UBXN4: variants seen among roughly 807,000 people sequenced by gnomAD.
The protein encoded by UBXN4 is UBX domain-containing protein 4.
In UBXN4, 35 loss-of-function variants were observed where a neutral mutation model predicts 66.2. The ratio of observed to expected loss-of-function variants is 0.53; its 90% CI spans 0.40 to 0.70. The LOEUF (loss-of-function observed/expected upper bound fraction) is 0.70, where lower values mean the gene tolerates loss of function less well. UBXN4 is among the 30% of genes least tolerant of loss of function. UBXN4 has a pLI of 0.00. For synonymous variants in UBXN4, 203 were observed against 204.5 expected, an observed-to-expected ratio of 0.99 and a Z score of 0.06; for missense variants, 533 against 599.8, an observed-to-expected ratio of 0.89 and a Z score of 1.16.
At chr2:135,770,065 A>G (rs2077373920) in intron 7 of UBXN4, among the ~76,000 whole-genome samples, 1 of 152,010 alleles carries the variant, frequency 6.6e-6, no homozygotes, top group Non-Finnish European at 1.5e-5. Flanking sequence ...TTTTTTTTAC[A>G]CTAAGAATAA....
rs1438632234 is a variant in UBXN4 at position 135,767,927 on chromosome 2, G to A, written c.603-1842G>A. ...TATCCATTTCTCTATTCTTTTTGGT[G>A]CACAAATTGCCCCAAATTTGACTTG... is the stretch of plus-strand genomic sequence containing the variant. On this transcript the variant is annotated intron_variant, in intron 6 of 12. Transcript: ENST00000272638. Among the ~76,000 whole-genome samples the A allele has an allele frequency of 2.6e-5, 4 of 151,758 alleles. No homozygotes were observed. The East Asian group carries it at 7.7e-4, about 29-fold the overall frequency.
chr2:135,742,037 C>A lies in UBXN4; in HGVS notation c.82+26C>A, dbSNP rs201080704. 9.7e-5 allele frequency: 156 copies of A among 1,609,116 alleles called. No individual in the cohort carries two copies. In the African/African-American group the frequency reaches 1.9e-3, roughly 20 times the overall value. On this transcript the variant is annotated intron_variant, in intron 1 of 12. Coordinates refer to ENST00000272638, the MANE Select transcript of UBXN4 (RefSeq NM_014607.4). ...GTGAAGGAGGCAGGGGTTCGAGAGG[C>A]GGCCGGGACACCCCTCCGGCCTACC...
chr2:135,766,128 G>C (rs2105502337), intron 6 of UBXN4, among the ~76,000 whole-genome samples: 2 of 151,722 alleles, frequency 1.3e-5, no homozygotes, highest in South Asian at 4.2e-4. Context: ...ACTCCAGCGT[G>C]GGCAATAAGA....
At chr2:135,776,683 T>A (rs1185791301) in intron 10 of UBXN4, among the ~76,000 whole-genome samples, 3 of 152,224 alleles carry the variant, frequency 2.0e-5, no homozygotes, top group Admixed American at 6.5e-5. Context: ...AGCCTCGACC[T>A]CCTGGGCTCA....
Position 135,783,491 on chromosome 2 carries a change from AT to A in UBXN4, c.*615del, listed in dbSNP as rs3832057. On this transcript the variant is annotated 3_prime_UTR_variant, in exon 13 of 13. Transcript: ENST00000272638. Reference sequence around the variant, plus strand: ...GCTCTATTGAGGTCCTATGTCTCTGATTTTTTTTTTTCCCCAGTATTGCCCT... The same window carrying A: ...GCTCTATTGAGGTCCTATGTCTCTGATTTTTTTTTTCCCCAGTATTGCCCT... The A allele has an allele frequency of 0.75, 113,814 of 150,790 alleles. 43,252 individuals are homozygous for A. The highest frequency in any genetic ancestry group is 0.79 in the Non-Finnish European group (53,572 of 67,664). 9.3% of individuals were successfully genotyped at this position (150,790 alleles called of 1,614,324 possible). A position where few individuals can be genotyped will look rare whatever the true frequency, so the allele number is the denominator to read the frequency against.
Position 135,755,706 on chromosome 2 carries a change from A to AC in UBXN4, c.508+17dup. The stretch of plus-strand genomic sequence containing the variant: ...TACTGCAACAGGTAACTTTTAATGT[A>AC]CCTTTTTGAGTGCAATAGAAGCTCC... On this transcript the variant is annotated intron_variant, in intron 5 of 12. Coordinates refer to ENST00000272638, the MANE Select transcript of UBXN4 (RefSeq NM_014607.4). 1 of 1,459,088 alleles carries AC rather than the reference A, an allele frequency of 6.9e-7. No homozygotes were observed. The highest frequency in any genetic ancestry group is 1.7e-5 in the South Asian group (1 of 60,014). 90.4% of individuals were successfully genotyped at this position (1,459,088 alleles called of 1,614,324 possible). A position where few individuals can be genotyped will look rare whatever the true frequency, so the allele number is the denominator to read the frequency against.
At position 135,776,229 on chromosome 2, in the gene UBXN4, T is replaced by A. The variant is rs1316443421; in HGVS notation, c.951-20T>A. On this transcript the variant is annotated intron_variant, in intron 9 of 12. Transcript: ENST00000272638. ...ATATATAGAGGTGAAGATTGTGACT[T>A]TAATTTTCTTTTTTCATAGCACTGT... 6.3e-7 allele frequency: 1 copy of A among 1,598,516 alleles called. No individual in the cohort carries two copies. The highest frequency in any genetic ancestry group is 8.6e-7 in the Non-Finnish European group (1 of 1,167,374).
rs2077443354 is a variant in UBXN4, at chr2:135,780,517, G to A, written c.1388+132G>A. 7 of 805,618 alleles carry A rather than the reference G, an allele frequency of 8.7e-6. No homozygotes were observed. The East Asian group carries it at 1.1e-4, about 12-fold the overall frequency. 49.9% of individuals were successfully genotyped at this position (805,618 alleles called of 1,614,324 possible). Reference sequence around the variant, plus strand: ...TCCCACGGTGGAGGAGAAAAACTCCGATGCTCTGAAACTTTATTACATCAT... The same window carrying A: ...TCCCACGGTGGAGGAGAAAAACTCCAATGCTCTGAAACTTTATTACATCAT... On this transcript the variant is annotated intron_variant, in intron 12 of 12. Coordinates refer to ENST00000272638, the MANE Select transcript of UBXN4 (RefSeq NM_014607.4).
chr2:135,768,486 C>T (rs2077361058), intron 6 of UBXN4, among the ~76,000 whole-genome samples: 1 of 151,880 alleles, frequency 6.6e-6, no homozygotes, highest in Non-Finnish European at 1.5e-5. Flanking sequence ...CATGAGCCAC[C>T]GTGCCTGGCC....
chr2:135,745,449 T>G (rs2077201463), intron 1 of UBXN4, among the ~76,000 whole-genome samples: 1 of 152,234 alleles, frequency 6.6e-6, no homozygotes, highest in Non-Finnish European at 1.5e-5. Flanking sequence ...TTTATTACTG[T>G]AATTACGTAT....
intron 3 of UBXN4, 43 bp from the exon 4 acceptor site, chr2:135,754,116 C>A: frequency 7.2e-7 from 1 of 1,395,642 alleles, no homozygotes; most frequent in East Asian, 2.4e-5. Context: ...TAAAACTATC[C>A]TTTCGTTTCA....
At chr2:135,764,397 A>G (rs1310618101) in intron 6 of UBXN4, among the ~76,000 whole-genome samples, 2 of 152,208 alleles carry the variant, frequency 1.3e-5, no homozygotes, top group East Asian at 1.9e-4. Flanking sequence ...TAGTCCTTCA[A>G]TCTTGAGCTG....
chr2:135,766,197 C>T (rs1159915388), intron 6 of UBXN4, among the ~76,000 whole-genome samples: 7 of 150,464 alleles, frequency 4.7e-5, no homozygotes, highest in African/African-American at 1.5e-4. Flanking sequence ...AGTTATGGAA[C>T]AGTCAATTTG....
chr2:135,773,625 C>T (rs970740497), intron 9 of UBXN4, among the ~76,000 whole-genome samples: 1 of 152,094 alleles, frequency 6.6e-6, no homozygotes, highest in Non-Finnish European at 1.5e-5. Context: ...GGTAAGAAGG[C>T]AGTTCCCAAA....
At chr2:135,765,357 C>T (rs192753379) in intron 6 of UBXN4, among the ~76,000 whole-genome samples, 33 of 151,820 alleles carry the variant, frequency 2.2e-4, no homozygotes, top group African/African-American at 7.7e-4. Flanking sequence ...TTACAGGTGC[C>T]CACCACCACA....
intron 5 of UBXN4, among the ~76,000 whole-genome samples, chr2:135,756,788 CTTT>C (rs1415112030): frequency 5.9e-5 from 9 of 152,006 alleles, no homozygotes; most frequent in Non-Finnish European, 1.2e-4. Context: ...CTGGAGTTTT[CTTT>C]ATGTGAAATG....
intron 9 of UBXN4, among the ~76,000 whole-genome samples, chr2:135,774,777 G>A (rs750962634): frequency 6.6e-6 from 1 of 151,958 alleles, no homozygotes; most frequent in African/African-American, 2.4e-5. Context: ...CCAGGGAGGC[G>A]GAGGTTGTAG....
At chr2:135,782,678 T>TG in intron 12 of UBXN4, 71 bp from the exon 13 acceptor site, 1 of 1,562,982 alleles carries the variant, frequency 6.4e-7, no homozygotes, top group Non-Finnish European at 8.7e-7. Context: ...TGATGGAAGT[T>TG]GGAAACAGCT....
intron 6 of UBXN4, among the ~76,000 whole-genome samples, chr2:135,767,330 C>T (rs1346900386): frequency 1.3e-5 from 2 of 151,996 alleles, no homozygotes; most frequent in Non-Finnish European, 1.5e-5. Flanking sequence ...CACTGCACTC[C>T]AGCCTGGGCG....
Sources: allele counts gnomAD v4.1 joint callset (sites outside exome capture counted in the v4.1 genomes callset), GRCh38; gene constraint gnomAD v4.1.1; transcripts MANE v1.5; gene names NCBI Gene and HGNC (gene_info 2026-07-23, HGNC 2026-07-21).